Variants in MTDH observed in about 807,000 individuals in gnomAD.
The protein encoded by MTDH is protein LYRIC.
MTDH carries 34 observed loss-of-function variants against 72.7 expected under a neutral mutation model. The ratio of observed to expected loss-of-function variants is 0.47; its 90% CI spans 0.36 to 0.62. MTDH has a LOEUF of 0.62. MTDH is among the 20% of genes least tolerant of loss of function. MTDH has a pLI of 0.00. For missense variants in MTDH, 677 were observed against 699.4 expected, an observed-to-expected ratio of 0.97 and a Z score of 0.36; for synonymous variants, 266 against 268.9, an observed-to-expected ratio of 0.99 and a Z score of 0.10.
At chr8:97,723,514 C>T (rs377286121) in intron 11 of MTDH, among the ~76,000 whole-genome samples, 3 of 151,748 alleles carry the variant, frequency 2.0e-5, no homozygotes, top group East Asian at 1.9e-4. Context: ...GAGGCTGAGG[C>T]GGGCGGATCA....
chr8:97,697,122 AAAAAAAAATATAT>A lies in MTDH; in HGVS notation c.1049-2630_1049-2618del, dbSNP rs1332357941. Among the ~76,000 whole-genome samples, 55 of 99,336 alleles carry A rather than the reference AAAAAAAAATATAT, an allele frequency of 5.5e-4. 3 individuals are homozygous for A. The highest frequency in any genetic ancestry group is 8.6e-4 in the Non-Finnish European group (49 of 56,716). The allele number at this position is 99,336 out of a possible 152,430, so 65.2% of individuals were successfully genotyped here. ...GACAGAGTGAGACTCTGTCTCACAA[AAAAAAAAATATAT>A]ATATATATATATATATTTTTTTTTT... On this transcript the variant is annotated intron_variant, in intron 6 of 11. Coordinates refer to ENST00000336273, the MANE Select transcript of MTDH (RefSeq NM_178812.4).
At chr8:97,687,331 A>G in intron 3 of MTDH, 98 bp from the exon 4 acceptor site, 2 of 972,898 alleles carry the variant, frequency 2.1e-6, no homozygotes, top group Non-Finnish European at 2.9e-6. Context: ...TAAATTTATC[A>G]TGATATTTTA....
intron 2 of MTDH, among the ~76,000 whole-genome samples, chr8:97,684,910 A>T (rs2130995098): frequency 6.6e-6 from 1 of 152,300 alleles, no homozygotes; most frequent in Non-Finnish European, 1.5e-5. Flanking sequence ...TATTAAAAAT[A>T]TAAAAATTAT....
At chr8:97,685,100 T>C (rs1054054791) in intron 2 of MTDH, among the ~76,000 whole-genome samples, 3 of 152,048 alleles carry the variant, frequency 2.0e-5, no homozygotes, top group Admixed American at 6.6e-5. Context: ...TTGATAGTTG[T>C]GCAACTTCAG....
chr8:97,713,824 A>G (rs2131067779), intron 9 of MTDH, 55 bp downstream of exon 9: 2 of 1,018,902 alleles, frequency 2.0e-6, no homozygotes, highest in South Asian at 1.7e-5. Flanking sequence ...AAAATGTGAA[A>G]AGATTATGTA....
intron 10 of MTDH, among the ~76,000 whole-genome samples, chr8:97,720,709 C>T (rs1815084717): frequency 6.7e-6 from 1 of 148,362 alleles, no homozygotes; most frequent in Non-Finnish European, 1.5e-5. Flanking sequence ...TGCAGTGACG[C>T]AATCCGCAAT....
chr8:97,677,508 A>G lies in MTDH; in HGVS notation c.484-9160A>G, dbSNP rs974323592. On this transcript the variant is annotated intron_variant, in intron 2 of 11. Transcript: ENST00000336273. The stretch of plus-strand genomic sequence containing the variant: ...TCCATCTCAAAAAAAAAAAAAAGAA[A>G]GAAAGAAAGAAAAGAAAAAGGAAGT... 2.6e-5 allele frequency among the ~76,000 whole-genome samples: 4 copies of G among 151,608 alleles called. 1 individual carries two copies. Among genetic ancestry groups the G allele is most frequent in the Non-Finnish European group, 4.4e-5 (3 of 67,910 alleles).
chr8:97,679,420 G>GT (rs1812981648), intron 2 of MTDH, among the ~76,000 whole-genome samples: 1 of 152,130 alleles, frequency 6.6e-6, no homozygotes, highest in African/African-American at 2.4e-5. Context: ...CAGAAACAAT[G>GT]TATTGATGTT....
In MTDH at chr8:97,648,474, T is replaced by C. The variant is rs188276119; in HGVS notation, c.381+3587T>C. Among the ~76,000 whole-genome samples the C allele has an allele frequency of 4.5e-4, 67 of 150,536 alleles. 1 individual carries two copies. The East Asian group carries it at 0.012, about 27-fold the overall frequency. ...TTCAACTGGAAGCACATAATCAGGA[T>C]TAATATCAAAGAAAATTGTCTTTTT... On this transcript the variant is annotated intron_variant, in intron 1 of 11. Coordinates refer to ENST00000336273, the MANE Select transcript of MTDH (RefSeq NM_178812.4).
At chr8:97,683,578 G>A (rs1258509192) in intron 2 of MTDH, among the ~76,000 whole-genome samples, 4 of 150,792 alleles carry the variant, frequency 2.7e-5, no homozygotes. Flanking sequence ...TTTTTTAAGA[G>A]AGAGAATCTC....
At chr8:97,701,645 G>A (rs1814135771) in intron 7 of MTDH, among the ~76,000 whole-genome samples, 1 of 152,154 alleles carries the variant, frequency 6.6e-6, no homozygotes, top group African/African-American at 2.4e-5. Context: ...GAATAGAATT[G>A]AGGATGATTA....
At chr8:97,661,221 G>T in intron 2 of MTDH, 48 bp downstream of exon 2, 1 of 1,304,822 alleles carries the variant, frequency 7.7e-7, no homozygotes, top group South Asian at 1.3e-5. Flanking sequence ...TTAATAGAAT[G>T]ACATATAAGG....
Position 97,723,004 on chromosome 8 carries a change from T to C in MTDH, c.1647T>C (p.Asn549=), listed in dbSNP as rs1166139862. Residue 549 remains asparagine, a synonymous_variant, in exon 11 of 12, where the codon AAT becomes AAC. Coordinates refer to ENST00000336273, the MANE Select transcript of MTDH (RefSeq NM_178812.4). Reference sequence around the variant, plus strand: ...AAGAGACAGATAAATCCAAGTCAAATACCAAGCAAAATAGTGTGCCTCCTT... The same window carrying C: ...AAGAGACAGATAAATCCAAGTCAAACACCAAGCAAAATAGTGTGCCTCCTT... The part of the protein sequence containing the change: ...ILQETDKSKS[N]TKQNSVPPSQ... 6.2e-7 allele frequency: 1 copy of C among 1,614,070 alleles called. No individual in the cohort carries two copies. The highest frequency in any genetic ancestry group is 8.5e-7 in the Non-Finnish European group (1 of 1,179,970).
chr8:97,699,948 C>T lies in MTDH; in HGVS notation c.1147+96C>T, dbSNP rs187380690. On this transcript the variant is annotated intron_variant, in intron 7 of 11. Coordinates refer to ENST00000336273, the MANE Select transcript of MTDH (RefSeq NM_178812.4). Reference sequence around the variant, plus strand: ...TATGTTTTAATTTTAATTCTAATTTCTCACCTTTAAAGGTCATAAGAATAT... The same window carrying T: ...TATGTTTTAATTTTAATTCTAATTTTTCACCTTTAAAGGTCATAAGAATAT... 3.8e-5 allele frequency: 29 copies of T among 770,702 alleles called. No homozygotes were observed. In the African/African-American group the frequency reaches 4.7e-4, roughly 13 times the overall value. The allele number at this position is 770,702 out of a possible 1,614,324, so 47.7% of individuals were successfully genotyped here. A position where few individuals can be genotyped will look rare whatever the true frequency, so the allele number is the denominator to read the frequency against.
At chr8:97,708,680 A>G (rs1393333747) in intron 8 of MTDH, among the ~76,000 whole-genome samples, 16 of 112,176 alleles carry the variant, frequency 1.4e-4, no homozygotes, top group African/African-American at 1.9e-4. Flanking sequence ...GCTCTCTGCA[A>G]CCTCCACCTC....
intron 1 of MTDH, among the ~76,000 whole-genome samples, chr8:97,649,792 G>A (rs1181348139): frequency 1.3e-5 from 2 of 151,160 alleles, no homozygotes; most frequent in African/African-American, 4.9e-5. Context: ...TTGTAGAGAT[G>A]GAGTTTCACC....
intron 6 of MTDH, 55 bp downstream of exon 6, chr8:97,691,243 T>A: frequency 7.7e-7 from 1 of 1,296,946 alleles, no homozygotes; most frequent in Non-Finnish European, 1.0e-6. Context: ...CTTGTACATT[T>A]TTAATTTTTC....
chr8:97,698,328 A>C (rs530375512), intron 6 of MTDH, among the ~76,000 whole-genome samples: 1 of 152,104 alleles, frequency 6.6e-6, no homozygotes, highest in Non-Finnish European at 1.5e-5. Context: ...CTGATGGAAA[A>C]CCACTGCTTT....
At chr8:97,662,791 A>AAAAG (rs544427141) in intron 2 of MTDH, among the ~76,000 whole-genome samples, 37 of 151,128 alleles carry the variant, frequency 2.4e-4, no homozygotes, top group South Asian at 4.2e-4. Context: ...GTCAAAAAAA[A>AAAAG]AAAGAAAGAA....
Sources: gnomAD v4.1 joint callset for allele counts (sites outside exome capture counted in the v4.1 genomes callset) on GRCh38, gnomAD v4.1.1 for gene constraint, MANE v1.5 for transcripts, NCBI Gene and HGNC (gene_info 2026-07-23, HGNC 2026-07-21) for gene names.